CALHM4: variants seen among roughly 807,000 people sequenced by gnomAD.
CALHM4 encodes the protein calcium homeostasis modulator family member 4.
In CALHM4, 16 loss-of-function variants were observed where a neutral mutation model predicts 13.3. That is an observed-to-expected ratio of 1.20 (90% CI 0.81 to 1.82). The LOEUF is 1.82. CALHM4 is among the 40% of genes most tolerant of loss of function. The pLI is 0.00. For synonymous variants in CALHM4, 127 were observed against 137.1 expected, an observed-to-expected ratio of 0.93 and a Z score of 0.52; for missense variants, 344 against 374.9, an observed-to-expected ratio of 0.92 and a Z score of 0.68.
chr6:116,531,025 A>G (rs1772686042), intron 1 of CALHM4, among the ~76,000 whole-genome samples: 1 of 150,420 alleles, frequency 6.6e-6, no homozygotes, highest in South Asian at 2.1e-4. Flanking sequence ...AATGTTTTTC[A>G]TACCCAGATT....
intron 1 of CALHM4, among the ~76,000 whole-genome samples, chr6:116,537,103 C>G (rs867931100): frequency 6.6e-6 from 1 of 152,124 alleles, no homozygotes; most frequent in African/African-American, 2.4e-5. Flanking sequence ...GGAAATCAGG[C>G]CTTTGAAGGA....
At position 116,535,009 on chromosome 6, in the gene CALHM4, C is replaced by T. The variant is rs549386200; in HGVS notation, c.-109+5819C>T. Among the ~76,000 whole-genome samples, 21 of 152,186 alleles carry T rather than the reference C, an allele frequency of 1.4e-4. No individual in the cohort carries two copies. The South Asian group carries it at 3.3e-3, about 24-fold the overall frequency. The stretch of plus-strand genomic sequence containing the variant: ...GAGTAATCATCATATTGACATGGAC[C>T]TGAGAGCAAAAAGCTTCTCAACTTT... On this transcript the variant is annotated intron_variant, in intron 1 of 2. Coordinates refer to the CALHM4 transcript ENST00000368597.
At chr6:116,555,084 C>T (rs150402992) in intron 1 of CALHM4, among the ~76,000 whole-genome samples, 40 of 152,180 alleles carry the variant, frequency 2.6e-4, no homozygotes, top group Non-Finnish European at 5.1e-4. Context: ...ATTGCAAAGG[C>T]GTGCATATTT....
At position 116,553,771 on chromosome 6, in the gene CALHM4, G is replaced by C; in HGVS notation, c.-23G>C. 1 of 1,540,116 alleles carries C rather than the reference G, an allele frequency of 6.5e-7. No individual in the cohort carries two copies. Among genetic ancestry groups the C allele is most frequent in the East Asian group, 2.4e-5 (1 of 40,822 alleles). On this transcript the variant is annotated 5_prime_UTR_variant, in exon 1 of 2. Transcript: ENST00000368596. ...TAATGATCAGAAAGGGCCACAAGCT[G>C]ATTTGTGTAACAGCTTCCCAAGATG...
At chr6:116,551,504 T>G (rs1774077829), upstream of CALHM4, among the ~76,000 whole-genome samples, 1 of 152,224 alleles carries the variant, frequency 6.6e-6, no homozygotes, top group Non-Finnish European at 1.5e-5. Context: ...ATCAGGTTGG[T>G]GCAAATGTAA....
chr6:116,540,137 A>G (rs1773348317), intron 1 of CALHM4, among the ~76,000 whole-genome samples: 1 of 152,176 alleles, frequency 6.6e-6, no homozygotes, highest in African/African-American at 2.4e-5. Flanking sequence ...CATATACTCT[A>G]CACACTCCTG....
chr6:116,539,664 T>A (rs1463662518), intron 1 of CALHM4, among the ~76,000 whole-genome samples: 1 of 152,134 alleles, frequency 6.6e-6, no homozygotes, highest in Admixed American at 6.6e-5. Flanking sequence ...AGTTTGGTCA[T>A]GTATAACAAT....
At chr6:116,542,408 G>A (rs1000861231) in intron 1 of CALHM4, among the ~76,000 whole-genome samples, 10 of 152,078 alleles carry the variant, frequency 6.6e-5, no homozygotes, top group African/African-American at 2.4e-4. Flanking sequence ...CAATCTTTAT[G>A]TTGTCTTTTT....
At chr6:116,543,503 C>T (rs2115249300) in intron 1 of CALHM4, 2 of 963,908 alleles carry the variant, frequency 2.1e-6, no homozygotes, top group South Asian at 1.8e-5. Context: ...TTAGAAGTCA[C>T]CTGTACATTT....
upstream of CALHM4, among the ~76,000 whole-genome samples, chr6:116,552,021 A>G (rs1469285438): frequency 1.3e-5 from 2 of 152,174 alleles, no homozygotes; most frequent in Non-Finnish European, 2.9e-5. Context: ...TGTGCCCATC[A>G]TTATTTTTTG....
intron 1 of CALHM4, chr6:116,529,299 A>G (rs1271475140): frequency 1.3e-5 from 2 of 152,266 alleles, no homozygotes; most frequent in Non-Finnish European, 2.9e-5. Context: ...GGCATGTACA[A>G]TAACAGCTAA....
chr6:116,556,115 T>C (rs1197754861), intron 1 of CALHM4, among the ~76,000 whole-genome samples: 2 of 152,208 alleles, frequency 1.3e-5, no homozygotes, highest in African/African-American at 2.4e-5. Context: ...TTCTTAGAAC[T>C]CTCTTTACCT....
chr6:116,530,902 CAT>C (rs10557481), intron 1 of CALHM4, among the ~76,000 whole-genome samples: 8,234 of 75,744 alleles, frequency 0.11, 307 homozygotes, highest in East Asian at 0.16. Flanking sequence ...AAGTGAGACT[CAT>C]ATATATATAT....
At chr6:116,531,028 C>T (rs995710296) in intron 1 of CALHM4, among the ~76,000 whole-genome samples, 1 of 150,312 alleles carries the variant, frequency 6.7e-6, no homozygotes, top group African/African-American at 2.5e-5. Context: ...GTTTTTCATA[C>T]CCAGATTCCC....
At chr6:116,534,678 C>T (rs1164857965) in intron 1 of CALHM4, among the ~76,000 whole-genome samples, 2 of 152,024 alleles carry the variant, frequency 1.3e-5, no homozygotes, top group Non-Finnish European at 1.5e-5. Context: ...GCTTTAGGCA[C>T]CCTCATTCAT....
At chr6:116,536,200 A>G (rs1289987730) in intron 1 of CALHM4, among the ~76,000 whole-genome samples, 1 of 152,220 alleles carries the variant, frequency 6.6e-6, no homozygotes, top group East Asian at 1.9e-4. Context: ...ATGAATTTTA[A>G]TGTTGTAGGA....
intron 1 of CALHM4, among the ~76,000 whole-genome samples, chr6:116,535,084 C>T (rs2115208899): frequency 6.6e-6 from 1 of 152,300 alleles, no homozygotes; most frequent in Non-Finnish European, 1.5e-5. Context: ...TTGTCAGTAA[C>T]TAGAAGGTAT....
chr6:116,529,338 C>A (rs1003251686), intron 1 of CALHM4: 1 of 152,138 alleles, frequency 6.6e-6, no homozygotes, highest in Non-Finnish European at 1.5e-5. Flanking sequence ...ACATGTTATT[C>A]TAAGATAAGA....
chr6:116,552,074 A>G (rs759891724), upstream of CALHM4, among the ~76,000 whole-genome samples: 3 of 152,082 alleles, frequency 2.0e-5, no homozygotes, highest in Non-Finnish European at 2.9e-5. Context: ...TTTTGCTGTA[A>G]TATATCCTTT....
Sources: allele counts gnomAD v4.1 joint callset (sites outside exome capture counted in the v4.1 genomes callset), GRCh38; gene constraint gnomAD v4.1.1; transcripts MANE v1.5; gene names NCBI Gene and HGNC (gene_info 2026-07-23, HGNC 2026-07-21).